Variants in AFG3L2 observed in about 807,000 individuals in gnomAD.
AFG3L2 encodes AFG3 like matrix AAA peptidase subunit 2.
AFG3L2 carries 54 observed loss-of-function variants against 94.5 expected under a neutral mutation model. That is an observed-to-expected ratio of 0.57 (90% CI 0.46 to 0.72). The LOEUF (loss-of-function observed/expected upper bound fraction) is 0.72. AFG3L2 is among the 30% of genes least tolerant of loss of function. The pLI is 0.00. For missense variants in AFG3L2, 754 were observed against 994.9 expected (o/e 0.76, Z 3.26); for synonymous variants, 377 against 365.5 (o/e 1.03, Z -0.36).
In AFG3L2 at chr18:12,328,965, T is replaced by C. The variant is rs1907421281; in HGVS notation, c.*600A>G. ...TATGTGTGTTCAGAAAAGTACAGTGTTGACATTTTATTTTTTATGTAAAGA... is the reference window on the plus strand; with the variant it reads ...TATGTGTGTTCAGAAAAGTACAGTGCTGACATTTTATTTTTTATGTAAAGA... On this transcript the variant is annotated 3_prime_UTR_variant, in exon 17 of 17. Transcript: ENST00000269143. 1 of 573,356 alleles carries C rather than the reference T, an allele frequency of 1.7e-6. No individual in the cohort carries two copies. Among genetic ancestry groups the C allele is most frequent in the Admixed American group, 2.9e-5 (1 of 34,166 alleles). The allele number at this position is 573,356 out of a possible 1,614,324, so 35.5% of individuals were successfully genotyped here.
chr18:12,332,325 A>G (rs1041877300), intron 16 of AFG3L2, among the ~76,000 whole-genome samples: 1 of 152,012 alleles, frequency 6.6e-6, no homozygotes, highest in Non-Finnish European at 1.5e-5. Flanking sequence ...GGGTTTCACC[A>G]TGTTGGCCAG....
Position 12,348,318 on chromosome 18 carries a change from T to C in AFG3L2, c.1618A>G (p.Ile540Val), listed in dbSNP as rs1401264860. ...LIAARHLSDS[I>V]NQKHFEQAIE... ...GCCTGTTCAAAGTGTTTCTGATTTA[T>C]GGAATCTGACAGATGCCTTGCAGCA... Residue 540 changes from isoleucine (I) to valine (V), a missense_variant, in exon 13 of 17, where the codon ATA becomes GTA. Around this residue, in one of 4 missense-constraint regions of AFG3L2, gnomAD observed 279 missense variants for 378.6 expected, o/e 0.74. Transcript: ENST00000269143. 3 of 1,614,108 alleles carry C rather than the reference T, an allele frequency of 1.9e-6. No homozygotes were observed. Among genetic ancestry groups the C allele is most frequent in the South Asian group, 1.1e-5 (1 of 91,084 alleles).
At chr18:12,343,861 A>C in intron 14 of AFG3L2, 1 of 524,442 alleles carries the variant, frequency 1.9e-6, no homozygotes, top group South Asian at 2.1e-5. Flanking sequence ...TCCCAGTTCA[A>C]ACCCACTGCA....
At chr18:12,359,716 T>C (rs1365306597) in intron 7 of AFG3L2, among the ~76,000 whole-genome samples, 1 of 151,804 alleles carries the variant, frequency 6.6e-6, no homozygotes, top group African/African-American at 2.4e-5. Context: ...CACTACAGCC[T>C]GGGCGACAGA....
chr18:12,358,707 G>C lies in AFG3L2; in HGVS notation c.989C>G (p.Pro330Arg). 6.2e-7 allele frequency: 1 copy of C among 1,614,176 alleles called. No homozygotes were observed. The highest frequency in any genetic ancestry group is 8.5e-7 in the Non-Finnish European group (1 of 1,180,026). Residue 330 changes from proline (P) to arginine (R), a missense_variant, in exon 8 of 17, where the codon CCA becomes CGA. Physicochemically the swap from Pro to Arg is moderately radical, Grantham distance 103. This residue lies in a region of AFG3L2 where 109 missense variants were observed against 227.1 expected (regional missense o/e 0.48). Coordinates refer to ENST00000269143, the MANE Select transcript of AFG3L2 (RefSeq NM_006796.3). ...IMEFVNFLKN[P>R]KQYQDLGAKI... ...TGCTCCTAGGTCTTGATACTGCTTT[G>C]GGTTTTTCAAGAAATTCACAAATTC...
At position 12,358,932 on chromosome 18, in the gene AFG3L2, A is replaced by G; in HGVS notation, c.764T>C (p.Leu255Pro). The G allele has an allele frequency of 6.2e-7, 1 of 1,612,908 alleles. No individual in the cohort carries two copies. Among genetic ancestry groups the G allele is most frequent in the Non-Finnish European group, 8.5e-7 (1 of 1,179,410 alleles). ...GATGAGCACCGTAGGCAGCATGCTC[A>G]GCAGAAAAGAGCTGGGGACACACAG... ...YIAESDGSFL[L>P]SMLPTVLIIA... The change falls in exon 8 of 17, where the codon CTG (leucine) becomes CCG (proline). Residue 255 changes from leucine (L) to proline (P), a missense_variant. By Grantham distance (98) the Leu-to-Pro change is moderately conservative. Transcript: ENST00000269143.
chr18:12,354,361 T>A (rs1000899275), intron 9 of AFG3L2, among the ~76,000 whole-genome samples: 3 of 151,522 alleles, frequency 2.0e-5, no homozygotes, highest in Non-Finnish European at 4.4e-5. Flanking sequence ...TAAGCAGGAG[T>A]CTGCATCTTC....
At position 12,356,557 on chromosome 18, in the gene AFG3L2, A is replaced by C. The variant is rs1201335947; in HGVS notation, c.1164+137T>G. The C allele has an allele frequency of 5.6e-6, 7 of 1,253,416 alleles. No individual in the cohort carries two copies. In the Admixed American group the frequency reaches 1.2e-4, roughly 21 times the overall value. The allele number at this position is 1,253,416 out of a possible 1,614,324, so 77.6% of individuals were successfully genotyped here. On this transcript the variant is annotated intron_variant, in intron 9 of 16. Coordinates refer to ENST00000269143, the MANE Select transcript of AFG3L2 (RefSeq NM_006796.3). ...GGCCTTGCTGAAGTCTTAGGCCTGGAGGAGAGCTCAGGCCAGGGACTGGTG... is the reference window on the plus strand; with the variant it reads ...GGCCTTGCTGAAGTCTTAGGCCTGGCGGAGAGCTCAGGCCAGGGACTGGTG...
chr18:12,332,962 A>ACT (rs1568131911), intron 16 of AFG3L2, among the ~76,000 whole-genome samples: 1 of 117,758 alleles, frequency 8.5e-6, no homozygotes, highest in East Asian at 2.6e-4. Context: ...TATATACTAT[A>ACT]ATATATTATA....
At chr18:12,361,915 A>G (rs1293775631) in intron 6 of AFG3L2, among the ~76,000 whole-genome samples, 2 of 152,252 alleles carry the variant, frequency 1.3e-5, no homozygotes, top group Non-Finnish European at 2.9e-5. Context: ...TCCCCAACTC[A>G]GCCCCTGCTA....
chr18:12,339,060 T>C (rs1907848585), intron 15 of AFG3L2, among the ~76,000 whole-genome samples: 1 of 150,610 alleles, frequency 6.6e-6, no homozygotes, highest in African/African-American at 2.4e-5. Flanking sequence ...AAGACCATCC[T>C]GGCTAACACA....
In AFG3L2 at chr18:12,367,087, T is replaced by C; in HGVS notation, c.430A>G (p.Arg144Gly). ...GDIPWDDKDF[R>G]MFFLWTALFW... ...AGAGCAGTCCAGAGGAAGAACATCC[T>C]GAAATCCTTGTCGTCCCATGGAATG... The change falls in exon 5 of 17, where the codon AGG (arginine) becomes GGG (glycine). Residue 144 changes from arginine to glycine, a missense_variant. Arg to Gly is a moderately radical substitution (Grantham distance 125). Coordinates refer to ENST00000269143, the MANE Select transcript of AFG3L2 (RefSeq NM_006796.3). 1.2e-6 allele frequency: 2 copies of C among 1,614,224 alleles called. No homozygotes were observed. Among genetic ancestry groups the C allele is most frequent in the Non-Finnish European group, 1.7e-6 (2 of 1,180,046 alleles).
chr18:12,365,549 G>A (rs141013588), intron 5 of AFG3L2, among the ~76,000 whole-genome samples: 3 of 152,200 alleles, frequency 2.0e-5, no homozygotes, highest in Admixed American at 6.5e-5. Flanking sequence ...GGATCTGTCC[G>A]ATGTAAGCAT....
chr18:12,366,179 G>C (rs1414352755), intron 5 of AFG3L2, among the ~76,000 whole-genome samples: 4 of 152,128 alleles, frequency 2.6e-5, no homozygotes, highest in Non-Finnish European at 5.9e-5. Context: ...CCCGGCCACT[G>C]CATCAATTCT....
chr18:12,338,093 G>A (rs1347624778), intron 15 of AFG3L2, among the ~76,000 whole-genome samples: 1 of 152,210 alleles, frequency 6.6e-6, no homozygotes, highest in Middle Eastern at 3.4e-3. Context: ...TTTGTTTTGA[G>A]ACAGGGTCTT....
Position 12,371,606 on chromosome 18 carries a change from GA to G in AFG3L2, c.199del (p.Ser67LeufsTer118). The part of the protein sequence containing the change: ...DIIAAYQRFC[S>X]RPPKGFEKYF... ...TAAGCATTTACCTTTTGGGGGTCGA[GA>G]ACAGAATCTTTGATAAGCAGCAATT... On this transcript the variant is annotated frameshift_variant, in exon 2 of 17. Transcript: ENST00000269143. LOFTEE classifies it high-confidence loss of function. 6.2e-7 allele frequency: 1 copy of G among 1,613,844 alleles called. No individual in the cohort carries two copies. The highest frequency in any genetic ancestry group is 8.5e-7 in the Non-Finnish European group (1 of 1,179,982).
chr18:12,341,803 A>G (rs1323633275), intron 14 of AFG3L2: 2 of 152,212 alleles, frequency 1.3e-5, no homozygotes, highest in African/African-American at 2.4e-5. Context: ...GTCTACCTTA[A>G]TAAGAAACTG....
Position 12,344,136 on chromosome 18 carries a change from AAAAG to A in AFG3L2, c.1771_1774del (p.Leu591Ter). 1 of 1,613,072 alleles carries A rather than the reference AAAAG, an allele frequency of 6.2e-7. No individual in the cohort carries two copies. Among genetic ancestry groups the A allele is most frequent in the Non-Finnish European group, 8.5e-7 (1 of 1,179,930 alleles). On this transcript the variant is annotated frameshift_variant, in exon 14 of 17. Transcript: ENST00000269143. LOFTEE classifies it high-confidence loss of function. ...AGTGCAGCTACCCTGCTTCACCTTTAAAAGCGGGTCTGCGTGCTCCAGATACCAG... is the reference window on the plus strand; with the variant it reads ...AGTGCAGCTACCCTGCTTCACCTTTACGGGTCTGCGTGCTCCAGATACCAG...
intron 15 of AFG3L2, 81 bp downstream of exon 15, chr18:12,340,120 T>C (rs1907899587): frequency 6.2e-6 from 8 of 1,298,242 alleles, no homozygotes; most frequent in Admixed American, 1.7e-5. Context: ...AACTATATTG[T>C]TTCAGAGCCA....
Sources: allele counts gnomAD v4.1 joint callset (sites outside exome capture counted in the v4.1 genomes callset), GRCh38; gene constraint gnomAD v4.1.1; regional missense constraint gnomAD v4.1.1; transcripts MANE v1.5; gene names NCBI Gene and HGNC (gene_info 2026-07-23, HGNC 2026-07-21).